Variants in TOGARAM2 observed in about 807,000 individuals in gnomAD.
TOGARAM2 encodes the protein TOG array regulator of axonemal microtubules protein 2.
In TOGARAM2, 85 loss-of-function variants were observed where a neutral mutation model predicts 93.3. That is an observed-to-expected ratio of 0.91 (90% CI 0.76 to 1.09). The LOEUF is 1.09. Among genes scored for constraint, TOGARAM2 ranks in the 50% least tolerant of loss-of-function variants. The pLI, the probability that TOGARAM2 is intolerant of heterozygous loss-of-function variation, is 0.00. For missense variants in TOGARAM2, 1,277 were observed against 1,334.5 expected, an observed-to-expected ratio of 0.96 and a Z score of 0.67; for synonymous variants, 593 against 552.8, an observed-to-expected ratio of 1.07 and a Z score of -1.02.
chr2:28,998,425 G>T (rs1673105797), intron 3 of TOGARAM2, among the ~76,000 whole-genome samples, 172 bp downstream of exon 3: 1 of 152,216 alleles, frequency 6.6e-6, no homozygotes, highest in Non-Finnish European at 1.5e-5. Context: ...TTGATCCTGT[G>T]CCTCAGAGGT....
In TOGARAM2 at chr2:29,051,863, G is replaced by A. The variant is rs200360935; in HGVS notation, c.2830G>A (p.Gly944Arg). ...NTATRNGTLP[G>R]PSGNIRGVVC... is the part of the protein sequence containing the mutation. ...CGCCACCAGGAATGGCACCCTGCCT[G>A]GACCCAGCGGGAACATCCGCGGGGT... Residue 944 changes from glycine (G) to arginine (R), a missense_variant, in exon 20 of 20, where the codon GGA (glycine) becomes AGA (arginine). By Grantham distance (125) the Gly-to-Arg change is moderately radical (BLOSUM62 -2). Transcript: ENST00000379558. 1.9e-6 allele frequency: 3 copies of A among 1,570,124 alleles called. No individual in the cohort carries two copies. The highest frequency in any genetic ancestry group is 1.7e-4 in the Middle Eastern group (1 of 6,014).
At chr2:28,990,995 T>TGTGTGAAGG (rs1672701836) in intron 1 of TOGARAM2, among the ~76,000 whole-genome samples, 1 of 26,074 alleles carries the variant, frequency 3.8e-5, no homozygotes, top group African/African-American at 9.9e-5. Flanking sequence ...GTGAAGGGTG[T>TGTGTGAAGG]GTGTGTGTGT....
Position 28,999,256 on chromosome 2 carries a change from T to C in TOGARAM2, c.215T>C (p.Leu72Pro), listed in dbSNP as rs749372591. The C allele has an allele frequency of 2.4e-5, 39 of 1,613,814 alleles. No homozygotes were observed. The highest frequency in any genetic ancestry group is 3.3e-5 in the Non-Finnish European group (39 of 1,179,882). The change falls in exon 4 of 20, where the codon CTG becomes CCG. Residue 72 changes from leucine (L) to proline (P), a missense_variant. Leu to Pro is a moderately conservative substitution (Grantham distance 98). Coordinates refer to ENST00000379558, the MANE Select transcript of TOGARAM2 (RefSeq NM_199280.4). Reference sequence around the variant, plus strand: ...CAGCTCCTGCGTGGACTCGGACAGCTGGGTGGCCTCAAGCTGGACACCCCT... The same window carrying C: ...CAGCTCCTGCGTGGACTCGGACAGCCGGGTGGCCTCAAGCTGGACACCCCT... ...PSQLLRGLGQ[L>P]GGLKLDTPSK...
Position 29,003,624 on chromosome 2 carries a change from C to G in TOGARAM2, c.772C>G (p.Pro258Ala). Residue 258 changes from proline to alanine, a missense_variant, in exon 6 of 20, where the codon CCC becomes GCC. Coordinates refer to ENST00000379558, the MANE Select transcript of TOGARAM2 (RefSeq NM_199280.4). The stretch of plus-strand genomic sequence containing the variant: ...CCCCTCCCGTGTGCCTGGCTCCCTT[C>G]CCAGCCCGTTACCTCCAGGCCAGGG... ...ATPSRVPGSL[P>A]SPLPPGQGVL... 6.9e-6 allele frequency: 11 copies of G among 1,593,570 alleles called. No individual in the cohort carries two copies. Among genetic ancestry groups the G allele is most frequent in the Non-Finnish European group, 9.4e-6 (11 of 1,171,098 alleles).
rs373619963 is a variant in TOGARAM2, at chr2:29,051,979, G to A, written c.2946G>A (p.Thr982=). The A allele has an allele frequency of 1.4e-5, 22 of 1,612,770 alleles. No homozygotes were observed. In the African/African-American group the frequency reaches 1.6e-4, roughly 12 times the overall value. Residue 982 remains threonine (T), a synonymous_variant, in exon 20 of 20, where the codon ACG becomes ACA. Coordinates refer to ENST00000379558, the MANE Select transcript of TOGARAM2 (RefSeq NM_199280.4). ...GCCAGCCAAAGCACGTCCTCAAGACGCTCCAGGAACTCTTAGACTCAGAGT... is the reference window on the plus strand; with the variant it reads ...GCCAGCCAAAGCACGTCCTCAAGACACTCCAGGAACTCTTAGACTCAGAGT... ...AASQPKHVLK[T]LQELLDSESL...
chr2:29,002,470 C>T, intron 4 of TOGARAM2, 66 bp from the exon 5 acceptor site: 2 of 1,456,666 alleles, frequency 1.4e-6, no homozygotes, highest in Non-Finnish European at 1.9e-6. Flanking sequence ...TTGCTGGGGT[C>T]TGAATCCACC....
chr2:29,033,079 G>T, intron 15 of TOGARAM2, 28 bp downstream of exon 15: 1 of 1,585,222 alleles, frequency 6.3e-7, no homozygotes, highest in Non-Finnish European at 8.6e-7. Context: ...AGTGGGTCAT[G>T]GCCTTTTGGG....
At chr2:28,984,495 C>T (rs1460117894) in intron 1 of TOGARAM2, among the ~76,000 whole-genome samples, 1 of 152,172 alleles carries the variant, frequency 6.6e-6, no homozygotes, top group African/African-American at 2.4e-5. Flanking sequence ...TTTGCTGAGA[C>T]TTTGGACAAG....
chr2:28,996,739 A>G (rs1388924825), intron 2 of TOGARAM2, among the ~76,000 whole-genome samples: 10 of 140,140 alleles, frequency 7.1e-5, no homozygotes, highest in Admixed American at 2.5e-4. Context: ...CAGGAGAATC[A>G]CTTGAACCCA....
intron 14 of TOGARAM2, 44 bp from the exon 15 acceptor site, chr2:29,032,890 A>G: frequency 6.6e-7 from 1 of 1,524,422 alleles, no homozygotes. Flanking sequence ...TTTATTTTGC[A>G]TTTCAGAGGC....
At chr2:28,968,114 G>A (rs1671891811) in intron 1 of TOGARAM2, among the ~76,000 whole-genome samples, 1 of 152,018 alleles carries the variant, frequency 6.6e-6, no homozygotes, top group Non-Finnish European at 1.5e-5. Flanking sequence ...CCACCACGCT[G>A]GGCCAATAAG....
Position 28,973,378 on chromosome 2 carries a change from TCCTTCCTTCTTTCCTC to T in TOGARAM2, c.-147+16691_-147+16706del, listed in dbSNP as rs1254457700. Among the ~76,000 whole-genome samples the T allele has an allele frequency of 3.6e-3, 289 of 80,122 alleles. 1 individual carries two copies. The highest frequency in any genetic ancestry group is 0.014 in the African/African-American group (276 of 20,088). The allele number at this position is 80,122 out of a possible 152,430, so 52.6% of individuals were successfully genotyped here. ...TTCCTTCTTTCCTCCTTCCTTCCCTTCCTTCCTTCTTTCCTCCCTTCCTTCCTTCCTCCTTTCCTTC... is the reference window on the plus strand; with the variant it reads ...TTCCTTCTTTCCTCCTTCCTTCCCTTCCTTCCTTCCTTCCTCCTTTCCTTC... On this transcript the variant is annotated intron_variant, in intron 1 of 6. Coordinates refer to the TOGARAM2 transcript ENST00000401723.
In TOGARAM2 at chr2:29,037,626, C is replaced by G. The variant is rs528689548; in HGVS notation, c.2635+869C>G. ...CTGGCCTGAGCCCAGCTCCCTGGGG[C>G]TGGGACAGGCACCGTGTCCTTGGCT... is the stretch of plus-strand genomic sequence containing the variant. On this transcript the variant is annotated intron_variant, in intron 18 of 19. Coordinates refer to ENST00000379558, the MANE Select transcript of TOGARAM2 (RefSeq NM_199280.4). Among the ~76,000 whole-genome samples, 5 of 152,130 alleles carry G rather than the reference C, an allele frequency of 3.3e-5. No individual in the cohort carries two copies. In the East Asian group the frequency reaches 9.7e-4, roughly 30 times the overall value.
chr2:28,964,576 AC>A (rs1446386443), intron 1 of TOGARAM2, among the ~76,000 whole-genome samples: 2 of 151,760 alleles, frequency 1.3e-5, no homozygotes, highest in Non-Finnish European at 2.9e-5. Context: ...GCCCAGATCA[AC>A]CCATCACCTA....
At chr2:29,010,347 A>G (rs1328650641) in intron 6 of TOGARAM2, among the ~76,000 whole-genome samples, 1 of 152,058 alleles carries the variant, frequency 6.6e-6, no homozygotes, top group African/African-American at 2.4e-5. Context: ...TTCGCTTACT[A>G]TCTCCAGCCC....
rs143391755 is a variant in TOGARAM2, at chr2:29,037,184, G to A, written c.2635+427G>A. ...AGAAAAAACGGTGGGAGCTATGGAA[G>A]AGCCATCAGGAAAGGTGAGAGCTTC... On this transcript the variant is annotated intron_variant, in intron 18 of 19. Coordinates refer to ENST00000379558, the MANE Select transcript of TOGARAM2 (RefSeq NM_199280.4). Among the ~76,000 whole-genome samples, 1,374 of 152,182 alleles carry A rather than the reference G, an allele frequency of 9.0e-3. 13 individuals carry two copies. The highest frequency in any genetic ancestry group is 0.013 in the Non-Finnish European group (865 of 67,996).
At chr2:28,965,561 C>T (rs1671855292) in intron 1 of TOGARAM2, among the ~76,000 whole-genome samples, 3 of 152,184 alleles carry the variant, frequency 2.0e-5, no homozygotes, top group African/African-American at 4.8e-5. Flanking sequence ...ACTCAGATGC[C>T]GTGTAAGCCC....
intron 1 of TOGARAM2, among the ~76,000 whole-genome samples, chr2:28,962,614 C>T (rs1449155668): frequency 1.3e-5 from 2 of 152,078 alleles, no homozygotes; most frequent in Non-Finnish European, 2.9e-5. Context: ...TTGTTTATCC[C>T]TTCTGCTGGT....
chr2:28,959,135 A>G (rs928613146), intron 1 of TOGARAM2, among the ~76,000 whole-genome samples: 6 of 152,016 alleles, frequency 3.9e-5, no homozygotes, highest in Non-Finnish European at 7.4e-5. Flanking sequence ...GACCTGACCA[A>G]ACTCCCCACC....
Sources: allele counts gnomAD v4.1 joint callset (sites outside exome capture counted in the v4.1 genomes callset), GRCh38; gene constraint gnomAD v4.1.1; transcripts MANE v1.5; gene names NCBI Gene and HGNC (gene_info 2026-07-23, HGNC 2026-07-21).